The following TAOK1 variants were observed in gnomAD, a reference collection of about 807,000 sequenced individuals.
TAOK1 encodes the protein TAO kinase 1, also known as serine/threonine-protein kinase TAO1.
In TAOK1, 21 loss-of-function variants were observed where a neutral mutation model predicts 138.3. The ratio of observed to expected loss-of-function variants is 0.15; its 90% CI spans 0.11 to 0.22. The LOEUF is 0.22. TAOK1 is among the 10% of genes least tolerant of loss of function. The pLI is 1.00. For missense variants in TAOK1, 651 were observed against 1,227.7 expected (o/e 0.53, Z 7.02); for synonymous variants, 361 against 398.4 (o/e 0.91, Z 1.12).
In TAOK1 at chr17:29,549,600, A is replaced by C. The variant is rs965861270; in HGVS notation, c.*6578A>C. On this transcript the variant is annotated 3_prime_UTR_variant, in exon 20 of 20. Transcript: ENST00000261716. ...TAAATTGCACATGGTCATGGACTGA[A>C]TTATGTGACTTTAAAGGATGTAACT... The C allele has an allele frequency of 3.3e-5, 5 of 152,156 alleles. No homozygotes were observed. The highest frequency in any genetic ancestry group is 4.4e-5 in the Non-Finnish European group (3 of 68,022). The allele number at this position is 152,156 out of a possible 1,614,324, so 9.4% of individuals were successfully genotyped here.
chr17:29,456,048 T>C (rs1265291178), intron 2 of TAOK1, among the ~76,000 whole-genome samples: 1 of 150,266 alleles, frequency 6.7e-6, no homozygotes, highest in Non-Finnish European at 1.5e-5. Context: ...GTATTAGTCT[T>C]CTTTAAATGT....
intron 12 of TAOK1, 47 bp from the exon 13 acceptor site, chr17:29,502,542 A>G (rs762641615): frequency 6.4e-7 from 1 of 1,560,146 alleles, no homozygotes; most frequent in Non-Finnish European, 8.7e-7. Flanking sequence ...AAAGATTCAA[A>G]CAAACTGTTC....
rs2032432247 is a variant in TAOK1 at position 29,548,178 on chromosome 17, A to G, written c.*5156A>G. 1 of 151,962 alleles carries G rather than the reference A, an allele frequency of 6.6e-6. No homozygotes were observed. The highest frequency in any genetic ancestry group is 1.5e-5 in the Non-Finnish European group (1 of 67,966). 9.4% of individuals were successfully genotyped at this position (151,962 alleles called of 1,614,324 possible). On this transcript the variant is annotated 3_prime_UTR_variant, in exon 20 of 20. Transcript: ENST00000261716. ...AAATTTCACTCATACAAGGGAAGAG[A>G]CTCCATTTAGCTTAACGGTAGTCTT...
At chr17:29,492,916 G>A (rs1279530139) in intron 10 of TAOK1, among the ~76,000 whole-genome samples, 3 of 152,124 alleles carry the variant, frequency 2.0e-5, no homozygotes, top group African/African-American at 4.8e-5. Context: ...CGAGGCGGGC[G>A]GATCACTTGA....
intron 1 of TAOK1, among the ~76,000 whole-genome samples, chr17:29,450,437 G>A (rs2030202296): frequency 6.6e-6 from 1 of 152,096 alleles, no homozygotes; most frequent in Non-Finnish European, 1.5e-5. Flanking sequence ...TTCAGAACTA[G>A]TGTTGCTGGG....
intron 15 of TAOK1, among the ~76,000 whole-genome samples, chr17:29,515,208 T>C (rs2031794429): frequency 6.6e-6 from 1 of 152,152 alleles, no homozygotes; most frequent in Non-Finnish European, 1.5e-5. Context: ...TATTCTCCCA[T>C]GGTTTTGTTT....
chr17:29,513,064 C>T (rs1459781921), intron 15 of TAOK1: 6 of 127,152 alleles, frequency 4.7e-5, no homozygotes, highest in African/African-American at 1.7e-4. Context: ...CCCACCCCCC[C>T]CCCCGTCTTA....
chr17:29,462,472 T>C (rs2030553593), intron 2 of TAOK1, among the ~76,000 whole-genome samples: 1 of 152,206 alleles, frequency 6.6e-6, no homozygotes, highest in African/African-American at 2.4e-5. Context: ...CTAACAAATA[T>C]GGTAGACCAT....
At chr17:29,422,415 T>C (rs1316156912) in intron 1 of TAOK1, among the ~76,000 whole-genome samples, 5 of 151,072 alleles carry the variant, frequency 3.3e-5, no homozygotes, top group African/African-American at 9.7e-5. Flanking sequence ...CGTTTCATCA[T>C]GTTGGCCAGG....
chr17:29,463,905 C>A (rs1241055252), intron 2 of TAOK1, among the ~76,000 whole-genome samples: 1 of 152,108 alleles, frequency 6.6e-6, no homozygotes. Context: ...GGCAAAGGAC[C>A]TTGAATCAAG....
intron 1 of TAOK1, among the ~76,000 whole-genome samples, chr17:29,395,646 C>CTTTTTTTTT (rs10591199): frequency 1.5e-5 from 2 of 129,794 alleles, no homozygotes; most frequent in African/African-American, 2.9e-5. Flanking sequence ...GGTATGTGTA[C>CTTTTTTTTT]TTTTTTTTTT....
chr17:29,477,778 A>T, intron 5 of TAOK1, 72 bp downstream of exon 5: 1 of 942,496 alleles, frequency 1.1e-6, no homozygotes, highest in Non-Finnish European at 1.4e-6. Context: ...TATTTAAATG[A>T]TATTAATACC....
At chr17:29,409,263 T>C (rs1454363548) in intron 1 of TAOK1, among the ~76,000 whole-genome samples, 1 of 149,370 alleles carries the variant, frequency 6.7e-6, no homozygotes, top group East Asian at 1.9e-4. Flanking sequence ...TTGGCTATTA[T>C]GAATAAGATT....
chr17:29,437,357 T>C (rs1371981790), intron 1 of TAOK1, among the ~76,000 whole-genome samples: 1 of 151,982 alleles, frequency 6.6e-6, no homozygotes, highest in Non-Finnish European at 1.5e-5. Context: ...CCACTGTGCC[T>C]GGCCTAAGTT....
At chr17:29,425,445 G>A (rs1015433955) in intron 1 of TAOK1, among the ~76,000 whole-genome samples, 3 of 152,146 alleles carry the variant, frequency 2.0e-5, no homozygotes. Flanking sequence ...TTGGGAGGCC[G>A]AGCCGGGTGG....
intron 2 of TAOK1, among the ~76,000 whole-genome samples, chr17:29,459,170 C>T (rs1435892292): frequency 6.6e-6 from 1 of 152,166 alleles, no homozygotes; most frequent in African/African-American, 2.4e-5. Flanking sequence ...TCTCCTCAGC[C>T]TGGCTTTCTT....
In TAOK1 at chr17:29,543,769, A is replaced by G. The variant is rs1003897065; in HGVS notation, c.*747A>G. 8 of 152,074 alleles carry G rather than the reference A, an allele frequency of 5.3e-5. No individual in the cohort carries two copies. Among genetic ancestry groups the G allele is most frequent in the Non-Finnish European group, 7.4e-5 (5 of 68,018 alleles). 9.4% of individuals were successfully genotyped at this position (152,074 alleles called of 1,614,324 possible). A position where few individuals can be genotyped will look rare whatever the true frequency, so the allele number is the denominator to read the frequency against. On this transcript the variant is annotated 3_prime_UTR_variant, in exon 20 of 20. Transcript: ENST00000261716. Reference sequence around the variant, plus strand: ...CTTGTGAGTGATTTTTGTCCATTCAATTGTGCCTTCTTTGTATTATGATAA... The same window carrying G: ...CTTGTGAGTGATTTTTGTCCATTCAGTTGTGCCTTCTTTGTATTATGATAA...
chr17:29,451,451 A>G lies in TAOK1; in HGVS notation c.-94-4A>G, dbSNP rs866202741. 1.5e-5 allele frequency: 21 copies of G among 1,390,600 alleles called. No homozygotes were observed. Among genetic ancestry groups the G allele is most frequent in the Middle Eastern group, 1.9e-4 (1 of 5,326 alleles). The allele number at this position is 1,390,600 out of a possible 1,614,324, so 86.1% of individuals were successfully genotyped here. ...TCTGACTTTTTTTTTCTATTTTTCT[A>G]CAGTAGTTTATGCCAACGTGACTTC... On this transcript the variant is annotated splice_polypyrimidine_tract_variant and splice_region_variant and intron_variant, in intron 1 of 19. Coordinates refer to ENST00000261716, the MANE Select transcript of TAOK1 (RefSeq NM_020791.4).
At chr17:29,538,664 T>C (rs1029159017) in intron 19 of TAOK1, among the ~76,000 whole-genome samples, 1 of 152,182 alleles carries the variant, frequency 6.6e-6, no homozygotes, top group Non-Finnish European at 1.5e-5. Context: ...AGATGAAAAA[T>C]CATTCTGTTT....
Sources: allele counts gnomAD v4.1 joint callset (sites outside exome capture counted in the v4.1 genomes callset), GRCh38; gene constraint gnomAD v4.1.1; transcripts MANE v1.5; gene names NCBI Gene and HGNC (gene_info 2026-07-23, HGNC 2026-07-21).